DNAH11: variants seen among roughly 807,000 people sequenced by gnomAD.
DNAH11 encodes the protein axonemal beta dynein heavy chain 11.
Under a neutral mutation model 526.0 loss-of-function variants are expected in DNAH11, and 442 were observed. The observed-to-expected ratio is 0.84, with a 90% confidence interval of 0.78 to 0.91. The LOEUF (loss-of-function observed/expected upper bound fraction) is 0.91. DNAH11 is among the 40% of genes least tolerant of loss of function. The pLI is 0.00. For synonymous variants in DNAH11, 2,461 were observed against 1,935.9 expected, an observed-to-expected ratio of 1.27 and a Z score of -7.12; for missense variants, 6,989 against 5,448.7, an observed-to-expected ratio of 1.28 and a Z score of -8.90.
At chr7:21,635,281 C>G (rs55896313) in intron 25 of DNAH11, among the ~76,000 whole-genome samples, 4 of 152,082 alleles carry the variant, frequency 2.6e-5, no homozygotes, top group Non-Finnish European at 5.9e-5. Flanking sequence ...CTCAGCCTCC[C>G]AGGTAGCTGG....
chr7:21,764,131 A>G (rs1787059756), intron 54 of DNAH11, among the ~76,000 whole-genome samples: 1 of 152,206 alleles, frequency 6.6e-6, no homozygotes, highest in African/African-American at 2.4e-5. Context: ...CTGGACTTAC[A>G]GTTAACAATC....
intron 29 of DNAH11, among the ~76,000 whole-genome samples, chr7:21,657,430 T>G (rs1322172755): frequency 3.9e-4 from 60 of 152,162 alleles, no homozygotes; most frequent in Admixed American, 3.9e-3. Context: ...AGCAAGCACC[T>G]CATCAGAGCT....
intron 35 of DNAH11, among the ~76,000 whole-genome samples, chr7:21,697,792 T>G (rs967163804): frequency 6.6e-6 from 1 of 152,218 alleles, no homozygotes; most frequent in Non-Finnish European, 1.5e-5. Flanking sequence ...CTTTCTGCAG[T>G]GACAACTTAC....
intron 52 of DNAH11, 138 bp downstream of exon 52, chr7:21,748,880 A>G: frequency 1.2e-6 from 1 of 807,890 alleles, no homozygotes; most frequent in Non-Finnish European, 1.8e-6. Flanking sequence ...GAGCTCTTTA[A>G]AGCAGTAATT....
intron 42 of DNAH11, among the ~76,000 whole-genome samples, chr7:21,714,346 A>G (rs181222016): frequency 2.0e-5 from 3 of 152,320 alleles, no homozygotes; most frequent in African/African-American, 7.2e-5. Context: ...TAATTCATCC[A>G]GGTCATTTTC....
At chr7:21,628,358 G>A (rs1369288200) in intron 25 of DNAH11, among the ~76,000 whole-genome samples, 1 of 152,026 alleles carries the variant, frequency 6.6e-6, no homozygotes, top group Non-Finnish European at 1.5e-5. Context: ...TGGGTATCTT[G>A]TCTTGTTCCA....
Position 21,900,043 on chromosome 7 carries a change from A to C in DNAH11, c.13226A>C (p.Asp4409Ala). The C allele has an allele frequency of 6.2e-7, 1 of 1,613,946 alleles. No individual in the cohort carries two copies. Among genetic ancestry groups the C allele is most frequent in the Non-Finnish European group, 8.5e-7 (1 of 1,179,866 alleles). Reference sequence around the variant, plus strand: ...CTGGATAAAACGCGCTTGACTGCTGATGTTACCAAAAAAACAAAGGAAGAT... The same window carrying C: ...CTGGATAAAACGCGCTTGACTGCTGCTGTTACCAAAAAAACAAAGGAAGAT... ...WPLDKTRLTA[D>A]VTKKTKEDYG... The change falls in exon 81 of 82, where the codon GAT becomes GCT. Residue 4409 changes from aspartate (D) to alanine (A), a missense_variant. Coordinates refer to ENST00000409508, the MANE Select transcript of DNAH11 (RefSeq NM_001277115.2).
At chr7:21,793,352 T>TCA (rs1413474561) in intron 61 of DNAH11, among the ~76,000 whole-genome samples, 2 of 152,134 alleles carry the variant, frequency 1.3e-5, no homozygotes, top group African/African-American at 4.8e-5. Flanking sequence ...GCGTGGTGGC[T>TCA]CACGCCTATA....
chr7:21,662,825 T>A (rs563194667), intron 30 of DNAH11, among the ~76,000 whole-genome samples: 1 of 152,240 alleles, frequency 6.6e-6, no homozygotes, highest in South Asian at 2.1e-4. Flanking sequence ...TCATTTAAAA[T>A]TTTTTTAAAT....
chr7:21,821,770 C>G (rs1790060669), intron 65 of DNAH11, among the ~76,000 whole-genome samples: 1 of 152,028 alleles, frequency 6.6e-6, no homozygotes, highest in South Asian at 2.1e-4. Flanking sequence ...GTAACTATAA[C>G]TTTCCTACTA....
chr7:21,748,309 C>T (rs1287156266), intron 51 of DNAH11, among the ~76,000 whole-genome samples: 1 of 152,106 alleles, frequency 6.6e-6, no homozygotes, highest in African/African-American at 2.4e-5. Context: ...CATAGTGAAA[C>T]CCCGTCTCTA....
intron 20 of DNAH11, among the ~76,000 whole-genome samples, chr7:21,608,238 TG>T (rs1204542109): frequency 6.6e-6 from 1 of 152,130 alleles, no homozygotes; most frequent in Non-Finnish European, 1.5e-5. Context: ...ATGAATATGG[TG>T]GGCAAAGAAT....
chr7:21,606,302 G>T, intron 18 of DNAH11, 124 bp from the exon 19 acceptor site: 1 of 791,678 alleles, frequency 1.3e-6, no homozygotes, highest in South Asian at 1.7e-5. Context: ...CAGCCTAGGG[G>T]ATAGAGCCAG....
intron 72 of DNAH11, among the ~76,000 whole-genome samples, chr7:21,868,229 G>A (rs1260263472): frequency 6.6e-6 from 1 of 151,110 alleles, no homozygotes; most frequent in Non-Finnish European, 1.5e-5. Context: ...AGTTTCTTTT[G>A]TACTGTTTTC....
chr7:21,543,611 G>A lies in DNAH11; in HGVS notation c.351+15G>A. 1 of 1,572,696 alleles carries A rather than the reference G, an allele frequency of 6.4e-7. No homozygotes were observed. The highest frequency in any genetic ancestry group is 8.6e-7 in the Non-Finnish European group (1 of 1,158,488). ...CTTCCCAGGAGGTAAGAGGCGACGG[G>A]CAAGGGGACCTGCCCATCCAACAAA... On this transcript the variant is annotated intron_variant, in intron 1 of 81. Coordinates refer to ENST00000409508, the MANE Select transcript of DNAH11 (RefSeq NM_001277115.2).
At chr7:21,630,974 C>T (rs1032842115) in intron 25 of DNAH11, among the ~76,000 whole-genome samples, 41 of 151,956 alleles carry the variant, frequency 2.7e-4, no homozygotes, top group African/African-American at 8.0e-4. Context: ...TGTATTAGTC[C>T]GTTTTCATGC....
At chr7:21,715,130 C>T (rs115482623) in intron 42 of DNAH11, among the ~76,000 whole-genome samples, 1,875 of 152,276 alleles carry the variant, frequency 0.012, 38 homozygotes, top group African/African-American at 0.043. Flanking sequence ...TGCCATTTTT[C>T]CAGGCCACGG....
At chr7:21,572,430 A>C (rs1279378621) in intron 8 of DNAH11, among the ~76,000 whole-genome samples, 1 of 152,168 alleles carries the variant, frequency 6.6e-6, no homozygotes, top group East Asian at 1.9e-4. Flanking sequence ...AGCTGATTAT[A>C]ATTTCATATT....
At chr7:21,749,904 T>C in intron 53 of DNAH11, 103 bp downstream of exon 53, 4 of 1,546,622 alleles carry the variant, frequency 2.6e-6, no homozygotes, top group Non-Finnish European at 3.5e-6. Context: ...AGATGTTTGC[T>C]GGGCAGTCTT....
Sources: gnomAD v4.1 joint callset for allele counts (sites outside exome capture counted in the v4.1 genomes callset) on GRCh38, gnomAD v4.1.1 for gene constraint, MANE v1.5 for transcripts, NCBI Gene and HGNC (gene_info 2026-07-23, HGNC 2026-07-21) for gene names.